The following TMEM131L variants were observed in gnomAD, a reference collection of about 807,000 sequenced individuals.
The protein encoded by TMEM131L is transmembrane protein 131-like.
TMEM131L carries 54 observed loss-of-function variants against 192.2 expected under a neutral mutation model. That is an observed-to-expected ratio of 0.28 (90% confidence interval 0.23 to 0.35). The LOEUF (loss-of-function observed/expected upper bound fraction) is 0.35, where lower values mean the gene tolerates loss of function less well. Ranked by LOEUF, TMEM131L falls within the 10% of genes least tolerant of loss-of-function variation. The pLI is 1.00. For synonymous variants in TMEM131L, 701 were observed against 704.9 expected (o/e 0.99, Z 0.09); for missense variants, 1,888 against 1,972.9 (o/e 0.96, Z 0.82).
chr4:153,477,889 G>A (rs891660418), intron 3 of TMEM131L, among the ~76,000 whole-genome samples: 1 of 152,104 alleles, frequency 6.6e-6, no homozygotes, highest in African/African-American at 2.4e-5. Flanking sequence ...ATTCAGAGTT[G>A]TATAACTGTT....
intron 26 of TMEM131L, among the ~76,000 whole-genome samples, chr4:153,617,601 A>C (rs1316198381): frequency 1.3e-5 from 2 of 152,218 alleles, no homozygotes; most frequent in African/African-American, 2.4e-5. Flanking sequence ...CACAAAAAAA[A>C]CTATCCATCC....
chr4:153,556,845 T>A, intron 5 of TMEM131L, 121 bp from the exon 6 acceptor site: 1 of 488,280 alleles, frequency 2.0e-6, no homozygotes. Context: ...TTCATAATAC[T>A]GATAAGGGTG....
intron 7 of TMEM131L, among the ~76,000 whole-genome samples, chr4:153,579,628 C>T (rs1730197964): frequency 1.3e-5 from 2 of 152,144 alleles, no homozygotes; most frequent in African/African-American, 2.4e-5. Flanking sequence ...CACATCACCA[C>T]GCCTGGCTAA....
chr4:153,519,168 G>C (rs773844349), intron 3 of TMEM131L, among the ~76,000 whole-genome samples: 3 of 152,146 alleles, frequency 2.0e-5, no homozygotes, highest in Admixed American at 6.5e-5. Context: ...GGTGAGCTAG[G>C]GGGTGTAGGC....
intron 15 of TMEM131L, among the ~76,000 whole-genome samples, chr4:153,588,272 G>GT (rs536641354): frequency 0.025 from 3,149 of 125,960 alleles, 97 homozygotes; most frequent in Admixed American, 0.098. Context: ...CTTGTTTTGA[G>GT]TTTTTTTTTT....
chr4:153,505,188 C>T (rs1046313539), intron 3 of TMEM131L, among the ~76,000 whole-genome samples: 1 of 151,062 alleles, frequency 6.6e-6, no homozygotes, highest in Admixed American at 6.6e-5. Context: ...CTCACTGCAA[C>T]CTCTGCCTTC....
At chr4:153,542,760 C>A (rs1736889388) in intron 3 of TMEM131L, among the ~76,000 whole-genome samples, 1 of 152,104 alleles carries the variant, frequency 6.6e-6, no homozygotes, top group Non-Finnish European at 1.5e-5. Context: ...GGGCATGATT[C>A]TTTTCATGTA....
rs758869418 is a variant in TMEM131L, at chr4:153,636,316, A to C, written c.4573A>C (p.Thr1525Pro). Residue 1525 changes from threonine to proline, a missense_variant, in exon 35 of 35, where the codon ACC becomes CCC. Transcript: ENST00000409959. ...TATACTTCAGCCCTACCTCACAAGCACCCGAAGCTTGTCTCCAATGTCTGG... is the reference window on the plus strand; with the variant it reads ...TATACTTCAGCCCTACCTCACAAGCCCCCGAAGCTTGTCTCCAATGTCTGG... ...FISSPPYLTSTRSLSPMSGLF... is the reference protein window; with the variant it reads ...FISSPPYLTSPRSLSPMSGLF... 1 of 1,613,322 alleles carries C rather than the reference A, an allele frequency of 6.2e-7. No individual in the cohort carries two copies. The highest frequency in any genetic ancestry group is 2.2e-5 in the East Asian group (1 of 44,854).
intron 7 of TMEM131L, among the ~76,000 whole-genome samples, chr4:153,562,327 C>T (rs1728902213): frequency 6.6e-6 from 1 of 152,168 alleles, no homozygotes; most frequent in Admixed American, 6.5e-5. Context: ...TGAGCCACCG[C>T]ACCCAGCCTA....
intron 11 of TMEM131L, 32 bp from the exon 12 acceptor site, chr4:153,584,803 A>G (rs1730591783): frequency 6.6e-7 from 1 of 1,504,100 alleles, no homozygotes; most frequent in Non-Finnish European, 9.3e-7. Context: ...AAAGGTACTT[A>G]AGCTTCACAT....
rs1733427608 is a variant in TMEM131L at position 153,621,755 on chromosome 4, T to C, written c.3765T>C (p.Asn1255=). ...FERSELSSDI[N]VRSWCIQEST... ...GGTCTGAGCTGAGCAGTGACATCAA[T>C]GTAAGAAGCTGGTGTATACAGGAAA... The change falls in exon 28 of 35, where the codon AAT becomes AAC. Residue 1255 remains asparagine (N), a synonymous_variant. Transcript: ENST00000409959. 1 of 1,614,132 alleles carries C rather than the reference T, an allele frequency of 6.2e-7. No homozygotes were observed. Among genetic ancestry groups the C allele is most frequent in the Non-Finnish European group, 8.5e-7 (1 of 1,180,024 alleles).
intron 25 of TMEM131L, among the ~76,000 whole-genome samples, chr4:153,609,137 A>G (rs1256088546): frequency 6.6e-6 from 1 of 152,178 alleles, no homozygotes; most frequent in African/African-American, 2.4e-5. Flanking sequence ...GAAATACCAG[A>G]GACTGGATAA....
rs776121476 is a variant in TMEM131L at position 153,603,312 on chromosome 4, G to A, written c.2649G>A (p.Leu883=). The change falls in exon 24 of 35, where the codon CTG becomes CTA. Residue 883 remains leucine (L), a synonymous_variant. Transcript: ENST00000409959. The stretch of plus-strand genomic sequence containing the variant: ...TTGCTTTCTTCCTCAGTTTGTCCCT[G>A]TTGGGTGTGATTTTAATAGCCTTCC... ...RLTVFFVSLS[L]LGVILIAFQQ... is the part of the protein sequence containing the mutation. 3.7e-6 allele frequency: 6 copies of A among 1,613,614 alleles called. No individual in the cohort carries two copies. In the South Asian group the frequency reaches 4.4e-5, roughly 12 times the overall value.
At chr4:153,536,647 C>G (rs911158477) in intron 3 of TMEM131L, among the ~76,000 whole-genome samples, 1 of 152,168 alleles carries the variant, frequency 6.6e-6, no homozygotes, top group African/African-American at 2.4e-5. Flanking sequence ...GTCAGATTCT[C>G]TAGAGGGACA....
intron 17 of TMEM131L, 86 bp from the exon 18 acceptor site, chr4:153,592,389 G>GGAA: frequency 1.2e-6 from 1 of 831,766 alleles, no homozygotes; most frequent in Non-Finnish European, 2.1e-6. Flanking sequence ...ATTTCCTCAT[G>GGAA]ATTAGGTTAT....
chr4:153,514,994 A>G (rs1487081095), intron 3 of TMEM131L, among the ~76,000 whole-genome samples: 1 of 151,818 alleles, frequency 6.6e-6, no homozygotes, highest in Non-Finnish European at 1.5e-5. Context: ...TATTTTTAGT[A>G]GAGACAGGGG....
At chr4:153,608,593 A>C (rs1168541572) in intron 25 of TMEM131L, among the ~76,000 whole-genome samples, 1 of 152,226 alleles carries the variant, frequency 6.6e-6, no homozygotes, top group Non-Finnish European at 1.5e-5. Flanking sequence ...ATAATAGCTC[A>C]AGCCTTGAGC....
intron 2 of TMEM131L, among the ~76,000 whole-genome samples, chr4:153,468,916 C>A (rs1477296630): frequency 1.3e-5 from 2 of 152,122 alleles, no homozygotes. Flanking sequence ...TGGAAGCCAA[C>A]CCAGACTAAA....
chr4:153,626,702 C>T (rs1276854964), intron 30 of TMEM131L, among the ~76,000 whole-genome samples: 2 of 152,172 alleles, frequency 1.3e-5, no homozygotes, highest in Admixed American at 6.5e-5. Flanking sequence ...GAGATCGAGG[C>T]TGCAATGAGC....
Sources: allele counts gnomAD v4.1 joint callset (sites outside exome capture counted in the v4.1 genomes callset), GRCh38; gene constraint gnomAD v4.1.1; transcripts MANE v1.5; gene names NCBI Gene and HGNC (gene_info 2026-07-23, HGNC 2026-07-21).